DOCK3: variants seen among roughly 807,000 people sequenced by gnomAD.
DOCK3 encodes the protein dedicator of cytokinesis 3, also known as dedicator of cytokinesis protein 3.
A neutral mutation model predicts 265.6 loss-of-function variants in DOCK3; 60 were observed. The ratio of observed to expected loss-of-function variants is 0.23; its 90% CI spans 0.18 to 0.28. The LOEUF (loss-of-function observed/expected upper bound fraction) is 0.28. Among genes scored for constraint, DOCK3 ranks in the 10% least tolerant of loss-of-function variants. The pLI is 1.00. For missense variants in DOCK3, 1,981 were observed against 2,594.3 expected (o/e 0.76, Z 5.14); for synonymous variants, 881 against 938.0 (o/e 0.94, Z 1.11).
chr3:50,894,481 G>A (rs1368799438), intron 4 of DOCK3, among the ~76,000 whole-genome samples: 1 of 152,030 alleles, frequency 6.6e-6, no homozygotes, highest in African/African-American at 2.4e-5. Flanking sequence ...AGTTCTTTAA[G>A]TTGAAACAAA....
At chr3:50,903,924 C>T (rs2049334748) in intron 4 of DOCK3, among the ~76,000 whole-genome samples, 1 of 152,106 alleles carries the variant, frequency 6.6e-6, no homozygotes, top group Non-Finnish European at 1.5e-5. Context: ...CTCCCCCCAC[C>T]CCACAACAGG....
chr3:50,792,074 C>T (rs1159885230), intron 2 of DOCK3, among the ~76,000 whole-genome samples: 2 of 148,994 alleles, frequency 1.3e-5, no homozygotes, highest in Admixed American at 1.3e-4. Context: ...GATATGGATT[C>T]TTCTCTGTTA....
At chr3:50,754,874 C>T (rs770237866) in intron 1 of DOCK3, among the ~76,000 whole-genome samples, 25 of 152,096 alleles carry the variant, frequency 1.6e-4, no homozygotes, top group Admixed American at 3.9e-4. Flanking sequence ...TCACTTTTGA[C>T]AACATGGGAA....
chr3:51,369,129 A>G (rs1441023772), intron 49 of DOCK3, among the ~76,000 whole-genome samples: 1 of 152,260 alleles, frequency 6.6e-6, no homozygotes, highest in Non-Finnish European at 1.5e-5. Flanking sequence ...AAATCAGAGC[A>G]CTTCTCCTCC....
intron 1 of DOCK3, among the ~76,000 whole-genome samples, chr3:50,682,636 T>C (rs535038677): frequency 7.0e-4 from 107 of 152,294 alleles, no homozygotes; most frequent in African/African-American, 2.4e-3. Context: ...CAATAAAAAA[T>C]ACATTTAAAA....
intron 1 of DOCK3, among the ~76,000 whole-genome samples, chr3:50,712,198 T>C (rs2036817187): frequency 1.3e-5 from 2 of 152,180 alleles, no homozygotes; most frequent in Admixed American, 1.3e-4. Flanking sequence ...TCTGCTTGCC[T>C]TAGAGTTAAT....
rs1464101751 is a variant in DOCK3 at position 51,359,619 on chromosome 3, G to A, written c.4885-892G>A. The stretch of plus-strand genomic sequence containing the variant: ...ACCCAAGCAGGCTGGAGCCTGGCCA[G>A]TGAGGAGGTTCTCTGCCATGTGGGT... On this transcript the variant is annotated intron_variant, in intron 46 of 52. Transcript: ENST00000266037. This position sits in a 1 kb window ranked among gnomAD's most constrained non-coding sequence, Gnocchi z 4.8. Among the ~76,000 whole-genome samples the A allele has an allele frequency of 6.6e-6, 1 of 152,240 alleles. No individual in the cohort carries two copies. Among genetic ancestry groups the A allele is most frequent in the South Asian group, 2.1e-4 (1 of 4,832 alleles).
intron 25 of DOCK3, among the ~76,000 whole-genome samples, chr3:51,277,395 C>A (rs2080872528): frequency 6.6e-6 from 1 of 152,202 alleles, no homozygotes; most frequent in Non-Finnish European, 1.5e-5. Flanking sequence ...GGTAAGGCCC[C>A]AGCCACCATG....
chr3:50,904,674 GCCCA>G lies in DOCK3; in HGVS notation c.218+14594_218+14597del, dbSNP rs1349476895. Among the ~76,000 whole-genome samples, 318 of 152,202 alleles carry G rather than the reference GCCCA, an allele frequency of 2.1e-3. 3 individuals carry two copies. The highest frequency in any genetic ancestry group is 7.3e-3 in the African/African-American group (304 of 41,486). On this transcript the variant is annotated intron_variant, in intron 4 of 52. Coordinates refer to ENST00000266037, the MANE Select transcript of DOCK3 (RefSeq NM_004947.5). The stretch of plus-strand genomic sequence containing the variant: ...AGTTCTTTGTAGATTCTGGATATTA[GCCCA>G]TTGTCAGATGAGTAGATTGCAAAAA...
chr3:50,761,808 T>C (rs2040546995), intron 1 of DOCK3, among the ~76,000 whole-genome samples: 2 of 152,152 alleles, frequency 1.3e-5, no homozygotes, highest in Non-Finnish European at 1.5e-5. Flanking sequence ...CACATGCACA[T>C]GTATGTTTAT....
chr3:51,171,665 G>A (rs1275235098), intron 12 of DOCK3, among the ~76,000 whole-genome samples: 5 of 149,430 alleles, frequency 3.3e-5, no homozygotes, highest in Non-Finnish European at 5.9e-5. Context: ...GCAGTGAGCC[G>A]AGATCTTGCC....
At chr3:51,198,106 A>G (rs1197615135) in intron 12 of DOCK3, among the ~76,000 whole-genome samples, 1 of 152,192 alleles carries the variant, frequency 6.6e-6, no homozygotes, top group Non-Finnish European at 1.5e-5. Context: ...TCCTGGCACT[A>G]CTGGGCTGCA....
chr3:51,239,729 A>C (rs2078523100), intron 21 of DOCK3, among the ~76,000 whole-genome samples: 1 of 151,482 alleles, frequency 6.6e-6, no homozygotes. Flanking sequence ...TAGATTTTTT[A>C]GTTTATGTGC....
At chr3:50,976,974 T>G (rs1009423019) in intron 5 of DOCK3, among the ~76,000 whole-genome samples, 1 of 150,018 alleles carries the variant, frequency 6.7e-6, no homozygotes, top group Non-Finnish European at 1.5e-5. Flanking sequence ...ACCCCTGCCT[T>G]TTTTTGTTTT....
chr3:50,716,918 G>A (rs760743334), intron 1 of DOCK3, among the ~76,000 whole-genome samples: 46 of 151,974 alleles, frequency 3.0e-4, no homozygotes, highest in Non-Finnish European at 5.0e-4. Flanking sequence ...TATTTTTCTG[G>A]AGTTTCTCTG....
chr3:51,271,078 AAG>A, intron 24 of DOCK3, 71 bp downstream of exon 24: 1 of 1,476,582 alleles, frequency 6.8e-7, no homozygotes, highest in East Asian at 2.3e-5. Flanking sequence ...GGTGATAGCA[AAG>A]TGATAATCAA....
At chr3:50,676,579 T>G (rs754027561) in intron 1 of DOCK3, among the ~76,000 whole-genome samples, 10 of 152,034 alleles carry the variant, frequency 6.6e-5, no homozygotes, top group Non-Finnish European at 1.3e-4. Flanking sequence ...AGTGAGGAGT[T>G]GGTGGTTTAT....
intron 27 of DOCK3, among the ~76,000 whole-genome samples, chr3:51,298,045 C>G (rs2082194496): frequency 6.6e-6 from 1 of 152,130 alleles, no homozygotes; most frequent in Non-Finnish European, 1.5e-5. Context: ...ATTCTTTAAA[C>G]ATTTCATAGA....
intron 3 of DOCK3, among the ~76,000 whole-genome samples, chr3:50,857,092 C>G (rs1437406990): frequency 6.6e-6 from 1 of 152,012 alleles, no homozygotes; most frequent in Non-Finnish European, 1.5e-5. Flanking sequence ...TTGTTGAGGA[C>G]TTTTGCATCT....
Sources: gnomAD v4.1 joint callset for allele counts (sites outside exome capture counted in the v4.1 genomes callset) on GRCh38, gnomAD v4.1.1 for gene constraint, Gnocchi (gnomAD v3.1) non-coding constraint, MANE v1.5 for transcripts, NCBI Gene and HGNC (gene_info 2026-07-23, HGNC 2026-07-21) for gene names.